ERG: variants seen among roughly 807,000 people sequenced by gnomAD.
ERG encodes the protein ETS transcription factor ERG, also known as transcriptional regulator ERG.
In ERG, 9 loss-of-function variants were observed where a neutral mutation model predicts 55.3. That is an observed-to-expected ratio of 0.16 (90% CI 0.10 to 0.28). The LOEUF is 0.28. Ranked by LOEUF, ERG falls within the 10% of genes least tolerant of loss-of-function variation. The pLI is 1.00. For synonymous variants in ERG, 223 were observed against 237.3 expected (o/e 0.94, Z 0.55); for missense variants, 434 against 631.6 (o/e 0.69, Z 3.35).
At chr21:38,595,064 GC>G (rs1232698435) in intron 1 of ERG, among the ~76,000 whole-genome samples, 1 of 152,184 alleles carries the variant, frequency 6.6e-6, no homozygotes. Flanking sequence ...GAGGGAAATG[GC>G]AGGCACATTG....
chr21:38,486,512 C>A (rs1301545988), intron 1 of ERG, among the ~76,000 whole-genome samples: 1 of 152,030 alleles, frequency 6.6e-6, no homozygotes, highest in Admixed American at 6.5e-5. Context: ...TAGGGAAATA[C>A]TTTCACCCCT....
At chr21:38,446,716 C>T (rs1032681282) in intron 1 of ERG, among the ~76,000 whole-genome samples, 1 of 152,078 alleles carries the variant, frequency 6.6e-6, no homozygotes, top group African/African-American at 2.4e-5. Context: ...ACTTTGGAGG[C>T]AGAGCAGGGG....
chr21:38,517,461 A>G (rs567263446), intron 2 of ERG, among the ~76,000 whole-genome samples: 2 of 152,268 alleles, frequency 1.3e-5, no homozygotes, highest in East Asian at 3.9e-4. Context: ...AAAAAATAAC[A>G]GATGCTGGCC....
chr21:38,506,056 T>C (rs543874881), intron 2 of ERG, among the ~76,000 whole-genome samples: 3 of 152,098 alleles, frequency 2.0e-5, no homozygotes, highest in Admixed American at 6.5e-5. Flanking sequence ...TTCATTATTA[T>C]AGAACATAAA....
chr21:38,591,696 A>G (rs1349025530), intron 1 of ERG, among the ~76,000 whole-genome samples: 1 of 152,106 alleles, frequency 6.6e-6, no homozygotes, highest in Admixed American at 6.5e-5. Context: ...CTCAAAACAA[A>G]CCAACCAACA....
At chr21:38,576,629 G>A (rs367904767) in intron 1 of ERG, among the ~76,000 whole-genome samples, 43 of 152,072 alleles carry the variant, frequency 2.8e-4, no homozygotes, top group East Asian at 1.5e-3. Flanking sequence ...CCCTTCCACC[G>A]AGCCAGTCTC....
intron 1 of ERG, chr21:38,450,916 C>T (rs917554050): frequency 1.5e-5 from 7 of 455,954 alleles, no homozygotes; most frequent in Admixed American, 1.4e-4. Context: ...CTTGCCCACC[C>T]ATCAGAAAGT....
intron 2 of ERG, among the ~76,000 whole-genome samples, chr21:38,428,996 T>C (rs909704527): frequency 2.0e-5 from 3 of 152,148 alleles, no homozygotes; most frequent in African/African-American, 7.2e-5. Flanking sequence ...ACCCAAGCAG[T>C]AAACACTGTA....
At chr21:38,464,034 T>C (rs79573211) in intron 1 of ERG, among the ~76,000 whole-genome samples, 3,918 of 151,960 alleles carry the variant, frequency 0.026, 167 homozygotes, top group African/African-American at 0.09. Context: ...TCAGAAATGG[T>C]AAAAACTCCG....
chr21:38,383,378 G>A lies in ERG; in HGVS notation c.*25C>T, dbSNP rs2146410423. On this transcript the variant is annotated 3_prime_UTR_variant, in exon 10 of 10. Transcript: ENST00000288319. This position sits in a 1 kb window ranked among gnomAD's most constrained non-coding sequence, Gnocchi z 5.7. Reference sequence around the variant, plus strand: ...GGCGATGGGCTGGTGAATGCACGCTGATGGGAAAAGCCTCCGCCAGGTCTT... The same window carrying A: ...GGCGATGGGCTGGTGAATGCACGCTAATGGGAAAAGCCTCCGCCAGGTCTT... 2 of 1,477,900 alleles carry A rather than the reference G, an allele frequency of 1.4e-6. No homozygotes were observed. The highest frequency in any genetic ancestry group is 1.8e-6 in the Non-Finnish European group (2 of 1,111,986). The allele number at this position is 1,477,900 out of a possible 1,614,324, so 91.5% of individuals were successfully genotyped here. A position where few individuals can be genotyped will look rare whatever the true frequency, so the allele number is the denominator to read the frequency against.
chr21:38,435,606 A>G (rs1361530758), intron 2 of ERG, among the ~76,000 whole-genome samples: 2 of 152,174 alleles, frequency 1.3e-5, no homozygotes, highest in Non-Finnish European at 2.9e-5. Context: ...TGAAGACAAA[A>G]TTAATTAAAA....
intron 1 of ERG, among the ~76,000 whole-genome samples, chr21:38,630,862 G>T (rs918131145): frequency 6.6e-6 from 1 of 152,124 alleles, no homozygotes. Context: ...GACCTCATAG[G>T]GATGTGAGCT....
upstream of ERG, among the ~76,000 whole-genome samples, chr21:38,501,428 G>A (rs2059420544): frequency 6.6e-6 from 1 of 152,006 alleles, no homozygotes. Flanking sequence ...ATTATCCTAT[G>A]GGGAAATTAT....
intron 2 of ERG, among the ~76,000 whole-genome samples, chr21:38,557,899 T>A (rs570868535): frequency 6.6e-6 from 1 of 152,348 alleles, no homozygotes; most frequent in African/African-American, 2.4e-5. Context: ...ATGTACAAAG[T>A]GTTCTCCCTG....
intron 1 of ERG, among the ~76,000 whole-genome samples, chr21:38,635,988 T>C (rs2060385806): frequency 6.6e-6 from 1 of 152,232 alleles, no homozygotes; most frequent in South Asian, 2.1e-4. Context: ...TATTGAATTG[T>C]AGTTCCCATA....
At chr21:38,610,367 G>A (rs939351373) in intron 1 of ERG, among the ~76,000 whole-genome samples, 6 of 152,192 alleles carry the variant, frequency 3.9e-5, no homozygotes, top group African/African-American at 1.4e-4. Flanking sequence ...TGCCATGCGG[G>A]CTTCTATGCA....
chr21:38,427,793 A>C (rs1989905024), intron 2 of ERG, among the ~76,000 whole-genome samples: 1 of 152,186 alleles, frequency 6.6e-6, no homozygotes. Context: ...TTCCCTGAAA[A>C]GCATGTGCAT....
At position 38,467,572 on chromosome 21, in the gene ERG, G is replaced by T. The variant is rs138233408; in HGVS notation, c.19-21951C>A. 1.1e-3 allele frequency among the ~76,000 whole-genome samples: 165 copies of T among 152,292 alleles called. 1 individual carries two copies. Among genetic ancestry groups the T allele is most frequent in the African/African-American group, 3.7e-3 (153 of 41,564 alleles). ...GAAATAAGAAACAGGAACCCTGAAA[G>T]ACACACCCGCGGAGGTTCTGTAACT... On this transcript the variant is annotated intron_variant, in intron 1 of 9. Transcript: ENST00000288319.
chr21:38,447,113 C>G (rs893747068), intron 1 of ERG, among the ~76,000 whole-genome samples: 2 of 152,018 alleles, frequency 1.3e-5, no homozygotes, highest in Admixed American at 6.6e-5. Flanking sequence ...AACTCCACAT[C>G]TACTCTGTCG....
Sources: allele counts gnomAD v4.1 joint callset (sites outside exome capture counted in the v4.1 genomes callset), GRCh38; gene constraint gnomAD v4.1.1; non-coding constraint Gnocchi (gnomAD v3.1); transcripts MANE v1.5; gene names NCBI Gene and HGNC (gene_info 2026-07-23, HGNC 2026-07-21).